Variants in ANKRD28 observed in about 807,000 individuals in gnomAD.
ANKRD28 encodes ankyrin repeat domain 28.
ANKRD28 carries 44 observed loss-of-function variants against 126.5 expected under a neutral mutation model. That is an observed-to-expected ratio of 0.35 (90% confidence interval 0.27 to 0.45). ANKRD28 has a LOEUF of 0.45. ANKRD28 is among the 20% of genes least tolerant of loss of function. The pLI is 1.00. For synonymous variants in ANKRD28, 442 were observed against 468.5 expected (o/e 0.94, Z 0.73); for missense variants, 1,110 against 1,316.6 (o/e 0.84, Z 2.43).
At chr3:15,813,439 G>A (rs2125891374) in intron 1 of ANKRD28, among the ~76,000 whole-genome samples, 1 of 152,210 alleles carries the variant, frequency 6.6e-6, no homozygotes, top group Middle Eastern at 3.4e-3. Flanking sequence ...AACCCAGTAA[G>A]GATGATTCTT....
chr3:15,784,326 T>C (rs1376085608), intron 2 of ANKRD28, among the ~76,000 whole-genome samples: 1 of 152,016 alleles, frequency 6.6e-6, no homozygotes, highest in Non-Finnish European at 1.5e-5. Context: ...TATGTGCTCA[T>C]GTATGCTTAT....
At chr3:15,675,185 C>T (rs11128750) in intron 27 of ANKRD28, among the ~76,000 whole-genome samples, 70,828 of 151,946 alleles carry the variant, frequency 0.47, 19,359 homozygotes, top group Non-Finnish European at 0.6. Flanking sequence ...GCATGAGAAT[C>T]GCTTGAACCC....
At chr3:15,837,234 C>A (rs2061345904) in intron 1 of ANKRD28, among the ~76,000 whole-genome samples, 1 of 151,908 alleles carries the variant, frequency 6.6e-6, no homozygotes, top group Non-Finnish European at 1.5e-5. Flanking sequence ...TATGTTCCAC[C>A]CTAACAATAA....
chr3:15,748,663 T>C (rs552360619), intron 4 of ANKRD28, among the ~76,000 whole-genome samples: 1 of 152,350 alleles, frequency 6.6e-6, no homozygotes, highest in East Asian at 1.9e-4. Context: ...TTGATGACTA[T>C]GTACCTAGGT....
intron 2 of ANKRD28, among the ~76,000 whole-genome samples, chr3:15,769,189 TATGACTCA>T (rs1361484978): frequency 6.6e-6 from 1 of 152,204 alleles, no homozygotes; most frequent in African/African-American, 2.4e-5. Context: ...TCTGGAATTC[TATGACTCA>T]ATGCCTCTCG....
At chr3:15,688,804 G>A (rs537976049) in intron 18 of ANKRD28, among the ~76,000 whole-genome samples, 14 of 152,326 alleles carry the variant, frequency 9.2e-5, no homozygotes, top group Admixed American at 2.6e-4. Flanking sequence ...GTATTTTAAC[G>A]TATCTGCTAC....
At chr3:15,756,534 CGTT>C (rs772433041) in intron 3 of ANKRD28, 5 of 984,954 alleles carry the variant, frequency 5.1e-6, no homozygotes, top group Non-Finnish European at 6.0e-6. Context: ...AGAGGTCTAA[CGTT>C]GTGAAGACAC....
At position 15,670,146 on chromosome 3, in the gene ANKRD28, T is replaced by A; in HGVS notation, c.*124A>T. The A allele has an allele frequency of 9.0e-7, 1 of 1,109,064 alleles. No homozygotes were observed. Among genetic ancestry groups the A allele is most frequent in the Non-Finnish European group, 1.3e-6 (1 of 787,082 alleles). 68.7% of individuals were successfully genotyped at this position (1,109,064 alleles called of 1,614,324 possible). The stretch of plus-strand genomic sequence containing the variant: ...TTCCTCCTAATGCCATCAGATCTCT[T>A]AACATTGGCTCACTGTGGGATCTTT... On this transcript the variant is annotated 3_prime_UTR_variant, in exon 28 of 28. Transcript: ENST00000683139.
At chr3:15,809,564 GAGGA>G (rs2125879094) in intron 1 of ANKRD28, among the ~76,000 whole-genome samples, 1 of 152,292 alleles carries the variant, frequency 6.6e-6, no homozygotes, top group Admixed American at 6.5e-5. Context: ...TCGGGATTGT[GAGGA>G]CACAATCCCA....
At chr3:15,677,301 G>A (rs2067042888) in intron 25 of ANKRD28, among the ~76,000 whole-genome samples, 179 bp downstream of exon 25, 1 of 152,132 alleles carries the variant, frequency 6.6e-6, no homozygotes, top group Admixed American at 6.5e-5. Context: ...AACTTATTTG[G>A]CTTACTGGAG....
At chr3:15,725,087 A>G (rs191018195) in intron 6 of ANKRD28, among the ~76,000 whole-genome samples, 111 of 152,350 alleles carry the variant, frequency 7.3e-4, no homozygotes, top group Non-Finnish European at 1.1e-3. Flanking sequence ...CACTAGTTCC[A>G]TATCTGCAGA....
intron 1 of ANKRD28, among the ~76,000 whole-genome samples, chr3:15,822,042 T>C (rs565992040): frequency 6.6e-6 from 1 of 152,106 alleles, no homozygotes; most frequent in African/African-American, 2.4e-5. Flanking sequence ...GAGATGCATA[T>C]GAAAATAAAG....
At chr3:15,783,229 A>C (rs2059617563) in intron 2 of ANKRD28, among the ~76,000 whole-genome samples, 1 of 152,038 alleles carries the variant, frequency 6.6e-6, no homozygotes. Context: ...CAATTAAAAA[A>C]ACTCACAAGA....
At position 15,853,339 on chromosome 3, in the gene ANKRD28, C is replaced by T. The variant is rs181123198; in HGVS notation, c.27+6038G>A. 6.6e-6 allele frequency among the ~76,000 whole-genome samples: 1 copy of T among 151,954 alleles called. No homozygotes were observed. The highest frequency in any genetic ancestry group is 1.9e-4 in the East Asian group (1 of 5,178). ...CCCCAGTCCAGAATGAGTACATTCA[C>T]TGAATATAAATTTTACATTAGACTA... On this transcript the variant is annotated intron_variant, in intron 1 of 27. Transcript: ENST00000399451. The surrounding 1 kb of genome is among the most constrained non-coding windows in gnomAD (Gnocchi z 4.2).
At chr3:15,688,659 AG>A (rs1219750674) in intron 18 of ANKRD28, among the ~76,000 whole-genome samples, 2 of 152,252 alleles carry the variant, frequency 1.3e-5, no homozygotes, top group African/African-American at 4.8e-5. Context: ...CCAAAGGACT[AG>A]AAAAAAAATC....
intron 18 of ANKRD28, among the ~76,000 whole-genome samples, chr3:15,689,314 C>T (rs745370556): frequency 8.5e-5 from 13 of 152,150 alleles, no homozygotes; most frequent in African/African-American, 1.9e-4. Context: ...TAAGCTTTGA[C>T]GGTAGTGGGG....
intron 1 of ANKRD28, among the ~76,000 whole-genome samples, chr3:15,832,366 A>G (rs1298251598): frequency 6.6e-6 from 1 of 152,236 alleles, no homozygotes; most frequent in Non-Finnish European, 1.5e-5. Context: ...GGTGCTGAGC[A>G]AAAGTGTCTC....
intron 1 of ANKRD28, among the ~76,000 whole-genome samples, chr3:15,829,790 T>A (rs1039610769): frequency 6.6e-6 from 1 of 152,210 alleles, no homozygotes; most frequent in Non-Finnish European, 1.5e-5. Context: ...AATTTCATCA[T>A]CTGTAACAAA....
At chr3:15,823,232 C>A (rs1304058344) in intron 1 of ANKRD28, among the ~76,000 whole-genome samples, 1 of 152,188 alleles carries the variant, frequency 6.6e-6, no homozygotes, top group African/African-American at 2.4e-5. Flanking sequence ...TTACAATAGG[C>A]TTCCTATGAG....
Sources: allele counts gnomAD v4.1 joint callset (sites outside exome capture counted in the v4.1 genomes callset), GRCh38; gene constraint gnomAD v4.1.1; non-coding constraint Gnocchi (gnomAD v3.1); transcripts MANE v1.5; gene names NCBI Gene and HGNC (gene_info 2026-07-23, HGNC 2026-07-21).